Variants in AUTS2 observed in about 807,000 individuals in gnomAD.
AUTS2 encodes autism susceptibility gene 2 protein.
A neutral mutation model predicts 112.4 loss-of-function variants in AUTS2; 17 were observed. That is an observed-to-expected ratio of 0.15 (90% CI 0.10 to 0.23). The LOEUF (loss-of-function observed/expected upper bound fraction) is 0.23, where lower values mean the gene tolerates loss of function less well. AUTS2 is among the 10% of genes least tolerant of loss of function. AUTS2 has a pLI of 1.00. For missense variants in AUTS2, 1,510 were observed against 1,701.6 expected (o/e 0.89, Z 1.98); for synonymous variants, 751 against 702.7 (o/e 1.07, Z -1.09).
At chr7:70,013,986 G>A (rs1287457036) in intron 2 of AUTS2, among the ~76,000 whole-genome samples, 2 of 152,204 alleles carry the variant, frequency 1.3e-5, no homozygotes, top group Non-Finnish European at 2.9e-5. Flanking sequence ...AAAGTGCTGG[G>A]ATTACAGGCG....
intron 1 of AUTS2, among the ~76,000 whole-genome samples, chr7:69,834,284 A>C (rs754604150): frequency 2.6e-5 from 4 of 152,296 alleles, no homozygotes; most frequent in Non-Finnish European, 5.9e-5. Context: ...AAATTATTTT[A>C]CAACGAAATT....
chr7:70,104,451 A>G (rs1234977737), intron 2 of AUTS2, among the ~76,000 whole-genome samples: 2 of 152,212 alleles, frequency 1.3e-5, no homozygotes, highest in African/African-American at 4.8e-5. Flanking sequence ...CACTAAATTC[A>G]GAGTGGAAAA....
intron 2 of AUTS2, among the ~76,000 whole-genome samples, chr7:69,915,258 T>G (rs1197562803): frequency 6.6e-6 from 1 of 152,250 alleles, no homozygotes; most frequent in Non-Finnish European, 1.5e-5. Flanking sequence ...TTGACCTCCC[T>G]TCTGTCCTTT....
chr7:69,921,682 A>T (rs1795819192), intron 2 of AUTS2, among the ~76,000 whole-genome samples: 1 of 150,564 alleles, frequency 6.6e-6, no homozygotes, highest in South Asian at 2.1e-4. Flanking sequence ...TAGGCAGGAG[A>T]ATTGCTTGAA....
intron 1 of AUTS2, among the ~76,000 whole-genome samples, chr7:69,770,611 ACTT>A (rs1271729897): frequency 2.6e-5 from 4 of 152,042 alleles, no homozygotes; most frequent in East Asian, 1.9e-4. Flanking sequence ...TGGTTATCCT[ACTT>A]CTTCTACATC....
chr7:70,477,757 A>T (rs796847753), intron 5 of AUTS2, among the ~76,000 whole-genome samples: 2 of 152,342 alleles, frequency 1.3e-5, no homozygotes, highest in African/African-American at 4.8e-5. Context: ...TTGTCAAATG[A>T]TGTGATTAAA....
At chr7:70,182,250 A>G (rs1809357398) in intron 4 of AUTS2, among the ~76,000 whole-genome samples, 1 of 152,066 alleles carries the variant, frequency 6.6e-6, no homozygotes, top group African/African-American at 2.4e-5. Context: ...TTTACATCTC[A>G]CCCATACACC....
rs530090469 is a variant in AUTS2 at position 69,719,778 on chromosome 7, A to T, written c.309+119816A>T. Among the ~76,000 whole-genome samples, 23 of 152,262 alleles carry T rather than the reference A, an allele frequency of 1.5e-4. No homozygotes were observed. In the South Asian group the frequency reaches 4.6e-3, roughly 30 times the overall value. The stretch of plus-strand genomic sequence containing the variant: ...CTGAATTTCCCTCTTGTGTTGGTTC[A>T]TTGGATGTAAGGCATCATCATGACT... On this transcript the variant is annotated intron_variant, in intron 1 of 18. Transcript: ENST00000342771.
intron 2 of AUTS2, among the ~76,000 whole-genome samples, chr7:69,909,573 A>T (rs1424752939): frequency 6.6e-6 from 1 of 152,192 alleles, no homozygotes; most frequent in Non-Finnish European, 1.5e-5. Flanking sequence ...TGCCCATATC[A>T]GTGGAGACTA....
At chr7:70,408,875 A>G (rs530436713) in intron 4 of AUTS2, among the ~76,000 whole-genome samples, 5 of 152,332 alleles carry the variant, frequency 3.3e-5, no homozygotes, top group South Asian at 4.1e-4. Context: ...TGCCCTCAAA[A>G]ACTTCACGAC....
At chr7:70,716,065 T>C (rs1295655974) in intron 6 of AUTS2, among the ~76,000 whole-genome samples, 1 of 152,258 alleles carries the variant, frequency 6.6e-6, no homozygotes, top group Non-Finnish European at 1.5e-5. Context: ...TCAACCCATT[T>C]GGAATTAATC....
chr7:70,350,464 C>T (rs542962726), intron 4 of AUTS2, among the ~76,000 whole-genome samples: 22 of 152,152 alleles, frequency 1.4e-4, no homozygotes, highest in South Asian at 1.2e-3. Context: ...GCACAAGGTG[C>T]GAAGGAGGTG....
chr7:69,797,155 G>A (rs896395667), intron 1 of AUTS2, among the ~76,000 whole-genome samples: 2 of 152,172 alleles, frequency 1.3e-5, no homozygotes, highest in Non-Finnish European at 2.9e-5. Flanking sequence ...ACCTCTTGGG[G>A]AAGATATTTG....
intron 3 of AUTS2, among the ~76,000 whole-genome samples, chr7:70,126,484 A>G (rs1417667242): frequency 2.0e-5 from 3 of 152,170 alleles, no homozygotes; most frequent in Non-Finnish European, 4.4e-5. Context: ...CCTGGGGGGA[A>G]TAATTGGCCA....
rs1165877220 is a variant in AUTS2, at chr7:70,790,535, C to A, written c.3319C>A (p.Pro1107Thr). Residue 1107 changes from proline (P) to threonine (T), a missense_variant, in exon 19 of 19, where the codon CCC (proline) becomes ACC (threonine). Around this residue, in one of 3 missense-constraint regions of AUTS2, gnomAD observed 788 missense variants for 797.6 expected, o/e 0.99. Coordinates refer to ENST00000342771, the MANE Select transcript of AUTS2 (RefSeq NM_015570.4). The surrounding 1 kb of genome is among the most constrained non-coding windows in gnomAD (Gnocchi z 7.6). Reference sequence around the variant, plus strand: ...CGACCCGCTCCACCGGCTCTCGACTCCCCGGCTGTACGAAGCCGACCGCTC... The same window carrying A: ...CGACCCGCTCCACCGGCTCTCGACTACCCGGCTGTACGAAGCCGACCGCTC... ...RNDPLHRLST[P>T]RLYEADRSFR... 6 of 1,607,962 alleles carry A rather than the reference C, an allele frequency of 3.7e-6. No individual in the cohort carries two copies. Among genetic ancestry groups the A allele is most frequent in the Non-Finnish European group, 5.1e-6 (6 of 1,177,666 alleles).
At chr7:69,811,704 G>A (rs1482474353) in intron 1 of AUTS2, among the ~76,000 whole-genome samples, 2 of 151,978 alleles carry the variant, frequency 1.3e-5, no homozygotes, top group East Asian at 3.9e-4. Context: ...AAGCTTTTCC[G>A]CAAACCACCC....
chr7:70,686,916 C>G (rs1222765182), intron 5 of AUTS2, among the ~76,000 whole-genome samples: 2 of 152,198 alleles, frequency 1.3e-5, no homozygotes, highest in Admixed American at 6.5e-5. Context: ...TAAGTGTCTT[C>G]TTTTCCGCTG....
At chr7:69,964,150 C>A (rs895502054) in intron 2 of AUTS2, among the ~76,000 whole-genome samples, 18 of 152,054 alleles carry the variant, frequency 1.2e-4, no homozygotes, top group Non-Finnish European at 2.9e-5. Flanking sequence ...ACATATAATA[C>A]AGTTACAGTC....
At chr7:70,786,660 A>C (rs984619874) in intron 17 of AUTS2, among the ~76,000 whole-genome samples, 3 of 152,186 alleles carry the variant, frequency 2.0e-5, no homozygotes, top group Non-Finnish European at 4.4e-5. Flanking sequence ...TACATACCAT[A>C]TATTCCGGGT....
Sources: allele counts gnomAD v4.1 joint callset (sites outside exome capture counted in the v4.1 genomes callset), GRCh38; gene constraint gnomAD v4.1.1; regional missense constraint gnomAD v4.1.1; non-coding constraint Gnocchi (gnomAD v3.1); transcripts MANE v1.5; gene names NCBI Gene and HGNC (gene_info 2026-07-23, HGNC 2026-07-21).